Variants in GDAP1 observed in about 807,000 individuals in gnomAD.
GDAP1 encodes the protein ganglioside induced differentiation associated protein 1.
GDAP1 carries 34 observed loss-of-function variants against 40.1 expected under a neutral mutation model. That is an observed-to-expected ratio of 0.85 (90% CI 0.64 to 1.13). GDAP1 has a LOEUF of 1.13. GDAP1 is among the 50% of genes most tolerant of loss of function. The pLI, the probability that GDAP1 is intolerant of heterozygous loss-of-function variation, is 0.00. For synonymous variants in GDAP1, 170 were observed against 157.4 expected (o/e 1.08, Z -0.60); for missense variants, 374 against 433.7 (o/e 0.86, Z 1.22).
chr8:74,423,639 G>A (rs1371463939), intron 2 of GDAP1, among the ~76,000 whole-genome samples: 1 of 151,744 alleles, frequency 6.6e-6, no homozygotes, highest in African/African-American at 2.4e-5. Flanking sequence ...GCAAACGTGG[G>A]GTATCCTCAG....
intron 2 of GDAP1, among the ~76,000 whole-genome samples, chr8:74,415,402 T>C (rs1393387879): frequency 2.0e-5 from 3 of 149,844 alleles, no homozygotes; most frequent in South Asian, 4.1e-4. Context: ...AAGAAAATAT[T>C]AATAGTGTGT....
rs74304863 is a variant in GDAP1 at position 74,482,603 on chromosome 8, A to G, written c.166-6075A>G. Among the ~76,000 whole-genome samples the G allele has an allele frequency of 8.9e-3, 1,359 of 152,256 alleles. 43 individuals are homozygous for G. In the East Asian group the frequency reaches 0.098, roughly 11 times the overall value. On this transcript the variant is annotated intron_variant, in intron 2 of 2. Coordinates refer to the GDAP1 transcript ENST00000523640. ...TAATATGGACACATCCAAAAGTATC[A>G]CCTGGACTGCTTGTTTCTTTCCTCC...
intron 2 of GDAP1, among the ~76,000 whole-genome samples, chr8:74,396,956 G>A (rs1351718760): frequency 4.6e-5 from 7 of 152,198 alleles, no homozygotes; most frequent in Non-Finnish European, 8.8e-5. Context: ...GGTTGAACCA[G>A]TTTACAGTCC....
chr8:74,460,881 A>T (rs1288252986), intron 2 of GDAP1, among the ~76,000 whole-genome samples: 1 of 152,172 alleles, frequency 6.6e-6, no homozygotes, highest in African/African-American at 2.4e-5. Context: ...AGAGAATTAG[A>T]ATAGCAGTGT....
intron 2 of GDAP1, among the ~76,000 whole-genome samples, chr8:74,465,777 G>A (rs1275977977): frequency 6.9e-6 from 1 of 145,358 alleles, no homozygotes; most frequent in African/African-American, 2.5e-5. Flanking sequence ...ATCACACCAA[G>A]TTTTTTTTTT....
rs543478185 is a variant in GDAP1 at position 74,400,712 on chromosome 8, A to C, written c.165+49391A>C. Among the ~76,000 whole-genome samples, 7 of 149,614 alleles carry C rather than the reference A, an allele frequency of 4.7e-5. 1 individual carries two copies. The highest frequency in any genetic ancestry group is 4.6e-4 in the Admixed American group (7 of 15,228). ...GTACCAGTTGTTCCTTTCCATGTTT[A>C]GTGCTTCCTTCAGGAGCTCTTTTAG... On this transcript the variant is annotated intron_variant, in intron 2 of 2. Transcript: ENST00000523640.
At chr8:74,474,047 T>C (rs1400453643) in intron 2 of GDAP1, among the ~76,000 whole-genome samples, 1 of 152,208 alleles carries the variant, frequency 6.6e-6, no homozygotes, top group East Asian at 1.9e-4. Context: ...AGATATTTTA[T>C]TCTCTTTGTG....
intron 2 of GDAP1, among the ~76,000 whole-genome samples, chr8:74,471,886 G>C (rs1563478674): frequency 6.6e-6 from 1 of 152,118 alleles, no homozygotes; most frequent in Non-Finnish European, 1.5e-5. Flanking sequence ...CAGTTATATA[G>C]CTATACCAGA....
chr8:74,379,056 G>T (rs955369166), intron 2 of GDAP1, among the ~76,000 whole-genome samples: 46 of 150,914 alleles, frequency 3.0e-4, no homozygotes, highest in African/African-American at 1.1e-3. Context: ...TTACAGGGAG[G>T]GTTTTTGTTG....
intron 2 of GDAP1, among the ~76,000 whole-genome samples, chr8:74,459,918 C>T (rs146328003): frequency 6.6e-6 from 1 of 152,174 alleles, no homozygotes; most frequent in South Asian, 2.1e-4. Context: ...ATAAATTACT[C>T]TTATGCCACC....
chr8:74,399,549 T>C (rs1810281196), intron 2 of GDAP1, among the ~76,000 whole-genome samples: 1 of 145,544 alleles, frequency 6.9e-6, no homozygotes, highest in Admixed American at 6.7e-5. Context: ...CTCTATTTCC[T>C]TCAGTTCTGC....
chr8:74,374,568 T>C (rs527308509), intron 2 of GDAP1, among the ~76,000 whole-genome samples: 1 of 152,190 alleles, frequency 6.6e-6, no homozygotes, highest in Non-Finnish European at 1.5e-5. Context: ...AAATTCATCC[T>C]TGGAAAGACT....
Position 74,351,439 on chromosome 8 carries a change from G to C in GDAP1, c.283G>C (p.Asp95His). ...AATTTGTGAGGCCACTCAGATCATT[G>C]ATTATCTTGAACAGACTTTCCTGGA... ...NIICEATQII[D>H]YLEQTFLDER... Residue 95 changes from aspartate (D) to histidine (H), a missense_variant, in exon 2 of 6, where the codon GAT becomes CAT. Transcript: ENST00000220822. 1.2e-6 allele frequency: 2 copies of C among 1,613,850 alleles called. No homozygotes were observed. The highest frequency in any genetic ancestry group is 1.7e-6 in the Non-Finnish European group (2 of 1,179,732).
At chr8:74,418,809 A>T (rs1805819599) in intron 2 of GDAP1, among the ~76,000 whole-genome samples, 1 of 152,164 alleles carries the variant, frequency 6.6e-6, no homozygotes, top group Non-Finnish European at 1.5e-5. Context: ...TATTTAAAAC[A>T]TATAAACAAC....
intron 2 of GDAP1, among the ~76,000 whole-genome samples, chr8:74,402,223 G>T (rs372074098): frequency 6.6e-6 from 1 of 150,458 alleles, no homozygotes; most frequent in African/African-American, 2.5e-5. Flanking sequence ...GGAGCTTCCC[G>T]GCTGCTTTGT....
intron 2 of GDAP1, among the ~76,000 whole-genome samples, chr8:74,456,769 CTT>C (rs370348272): frequency 2.0e-5 from 3 of 151,872 alleles, no homozygotes; most frequent in African/African-American, 7.2e-5. Flanking sequence ...AAATAGCAGT[CTT>C]TTTTGTGCCA....
At chr8:74,467,248 G>C (rs1000752047) in intron 2 of GDAP1, among the ~76,000 whole-genome samples, 2 of 152,270 alleles carry the variant, frequency 1.3e-5, no homozygotes, top group African/African-American at 4.8e-5. Flanking sequence ...AAATGGAATA[G>C]GTTAATCATA....
chr8:74,480,280 C>G (rs1217358072), intron 2 of GDAP1, among the ~76,000 whole-genome samples: 2 of 152,116 alleles, frequency 1.3e-5, no homozygotes, highest in Non-Finnish European at 2.9e-5. Context: ...AGCCACTGCG[C>G]CCGGCCGGCT....
intron 2 of GDAP1, among the ~76,000 whole-genome samples, chr8:74,391,521 C>T (rs1222195714): frequency 6.6e-6 from 1 of 151,670 alleles, no homozygotes; most frequent in African/African-American, 2.4e-5. Flanking sequence ...CACTGTCTAA[C>T]CTTTCCCAAT....
Sources: allele counts gnomAD v4.1 joint callset (sites outside exome capture counted in the v4.1 genomes callset), GRCh38; gene constraint gnomAD v4.1.1; transcripts MANE v1.5; gene names NCBI Gene and HGNC (gene_info 2026-07-23, HGNC 2026-07-21).